The following POLR1C variants were observed in gnomAD, a reference collection of about 807,000 sequenced individuals.
The protein encoded by POLR1C is DNA-directed RNA polymerases I and III subunit RPAC1.
In POLR1C, 42 loss-of-function variants were observed where a neutral mutation model predicts 38.3. That is an observed-to-expected ratio of 1.10 (90% CI 0.86 to 1.42). The LOEUF (loss-of-function observed/expected upper bound fraction) is 1.42. Among genes scored for constraint, POLR1C ranks in the 40% most tolerant of loss-of-function variants. The pLI is 0.00. For synonymous variants in POLR1C, 163 were observed against 163.9 expected, an observed-to-expected ratio of 0.99 and a Z score of 0.04; for missense variants, 507 against 450.5, an observed-to-expected ratio of 1.13 and a Z score of -1.14.
Position 43,517,365 on chromosome 6 carries a change from C to T in POLR1C, c.129C>T (p.Asp43=), listed in dbSNP as rs760685337. The part of the protein sequence containing the change: ...YSGYDDAWDQ[D]RFEKNFRVDV... ...GTTATGATGATGCCTGGGACCAGGACCGCTTCGAGAAGGTAAGTGGGGCCG... is the reference window on the plus strand; with the variant it reads ...GTTATGATGATGCCTGGGACCAGGATCGCTTCGAGAAGGTAAGTGGGGCCG... The change falls in exon 2 of 9, where the codon GAC becomes GAT. Residue 43 remains aspartate (D), a synonymous_variant. Transcript: ENST00000642195. The T allele has an allele frequency of 3.4e-5, 55 of 1,613,850 alleles. No individual in the cohort carries two copies. The highest frequency in any genetic ancestry group is 8.5e-7 in the Non-Finnish European group (1 of 1,179,970).
intron 10 of POLR1C, chr6:43,553,510 AACACACACACACACATACACACACAC>A: frequency 3.3e-6 from 5 of 1,503,522 alleles, no homozygotes; most frequent in Non-Finnish European, 4.5e-6. Context: ...CAAGCTTTAA[AACACACACACACACATACACACACAC>A]ACACACACAC....
chr6:43,519,007 G>A (rs956668747), intron 2 of POLR1C, among the ~76,000 whole-genome samples: 1 of 152,094 alleles, frequency 6.6e-6, no homozygotes, highest in African/African-American at 2.4e-5. Flanking sequence ...TCAATGCCAA[G>A]CATAACAGAA....
intron 10 of POLR1C, chr6:43,555,647 A>C: frequency 1.7e-6 from 1 of 583,374 alleles, no homozygotes; most frequent in East Asian, 3.2e-5. Flanking sequence ...TTTAAAACAA[A>C]TTTAAAATGT....
intron 2 of POLR1C, among the ~76,000 whole-genome samples, chr6:43,518,447 T>C (rs1792958792): frequency 6.6e-6 from 1 of 152,224 alleles, no homozygotes; most frequent in Admixed American, 6.5e-5. Context: ...CATTGTTTTC[T>C]GCATGTGGAG....
At chr6:43,561,254 C>G (rs998646973) in intron 10 of POLR1C, 1 of 408,008 alleles carries the variant, frequency 2.5e-6, no homozygotes, top group African/African-American at 2.0e-5. Context: ...TGTGGTCAAA[C>G]AGTAAAATAA....
Position 43,521,483 on chromosome 6 carries a change from A to AG in POLR1C, c.*184dup. 2.1e-6 allele frequency: 3 copies of AG among 1,398,322 alleles called. No homozygotes were observed. Among genetic ancestry groups the AG allele is most frequent in the Non-Finnish European group, 2.8e-6 (3 of 1,075,958 alleles). The allele number at this position is 1,398,322 out of a possible 1,614,324, so 86.6% of individuals were successfully genotyped here. On this transcript the variant is annotated 3_prime_UTR_variant, in exon 9 of 9. Coordinates refer to ENST00000642195, the MANE Select transcript of POLR1C (RefSeq NM_203290.4). ...ACTTTTTACGCCTTTATAAGGCCTTAGATGTAAATAAACTCACCCAAACAA... is the reference window on the plus strand; with the variant it reads ...ACTTTTTACGCCTTTATAAGGCCTTAGGATGTAAATAAACTCACCCAAACAA...
In POLR1C at chr6:43,526,669, T is replaced by A. The variant is rs1382120031; in HGVS notation, c.923-2580T>A. The stretch of plus-strand genomic sequence containing the variant: ...AGGCTAAGAGCAGAACTCCAAGGTC[T>A]CACAGGCTCACTTACCGTCTCCATC... On this transcript the variant is annotated intron_variant, in intron 8 of 8. Transcript: ENST00000304004. The A allele has an allele frequency of 2.5e-6, 4 of 1,613,718 alleles. No homozygotes were observed. The South Asian group carries it at 4.4e-5, about 18-fold the overall frequency.
At chr6:43,539,578 C>T (rs1794569707) in intron 9 of POLR1C, 17 of 1,351,196 alleles carry the variant, frequency 1.3e-5, no homozygotes, top group Middle Eastern at 2.4e-4. Context: ...AGCCCCGGCC[C>T]GGTCCACGGC....
chr6:43,520,778 T>C lies in POLR1C; in HGVS notation c.805+4T>C, dbSNP rs368111931. On this transcript the variant is annotated splice_donor_region_variant and intron_variant, in intron 7 of 8. Transcript: ENST00000642195. ...ATTGAGGTGCAGGAAGTCCAAGGTA[T>C]GGTATTTGGGATGCTGTTCAAGTTA... 6.2e-7 allele frequency: 1 copy of C among 1,613,580 alleles called. No homozygotes were observed. Among genetic ancestry groups the C allele is most frequent in the African/African-American group, 1.3e-5 (1 of 74,562 alleles).
At chr6:43,522,686 A>G (rs375042183), downstream of POLR1C, 85 of 490,942 alleles carry the variant, frequency 1.7e-4, no homozygotes, top group Middle Eastern at 1.0e-3. Flanking sequence ...CTGTAGCTTC[A>G]GTCCACTTCG....
chr6:43,535,577 G>A (rs1243961185), intron 9 of POLR1C, among the ~76,000 whole-genome samples: 3 of 152,214 alleles, frequency 2.0e-5, no homozygotes, highest in Admixed American at 6.5e-5. Context: ...TCTAGAGGCC[G>A]GGCGCGGTGG....
At chr6:43,527,722 A>C (rs369144172) in intron 8 of POLR1C, 1 of 1,613,956 alleles carries the variant, frequency 6.2e-7, no homozygotes, top group Admixed American at 1.7e-5. Context: ...CTGCAGCCTC[A>C]TCTTCTCCAC....
downstream of POLR1C, chr6:43,523,372 T>TA: frequency 3.3e-6 from 1 of 301,184 alleles, no homozygotes; most frequent in Non-Finnish European, 6.5e-6. Flanking sequence ...ACATGCCCCT[T>TA]AGGGAGTGGG....
intron 9 of POLR1C, among the ~76,000 whole-genome samples, chr6:43,540,601 C>T (rs897761617): frequency 1.2e-4 from 18 of 152,128 alleles, no homozygotes; most frequent in Non-Finnish European, 2.5e-4. Context: ...TGAAGTGAGC[C>T]GAGATCATGC....
chr6:43,528,528 G>A lies in POLR1C; in HGVS notation c.923-721G>A, dbSNP rs139281156. ...GCTTAATTCTAGAGTAAGGATAACA[G>A]ACCCAGCATTCCTGGCAAGGGTCTG... On this transcript the variant is annotated intron_variant, in intron 8 of 8. Coordinates refer to the POLR1C transcript ENST00000304004. 1.1e-4 allele frequency among the ~76,000 whole-genome samples: 16 copies of A among 152,248 alleles called. No homozygotes were observed. The East Asian group carries it at 3.1e-3, about 29-fold the overall frequency.
At chr6:43,533,940 C>A, downstream of POLR1C, 1 of 1,607,026 alleles carries the variant, frequency 6.2e-7, no homozygotes, top group Non-Finnish European at 8.5e-7. Flanking sequence ...TCAAGCATAT[C>A]CAGAGCCTTG....
chr6:43,524,469 A>ACC, downstream of POLR1C: 2 of 1,613,054 alleles, frequency 1.2e-6, no homozygotes, highest in Non-Finnish European at 1.7e-6. Flanking sequence ...TGCATGACCT[A>ACC]CCCCAATGCA....
At position 43,538,299 on chromosome 6, in the gene POLR1C, A is replaced by G. The variant is rs553914797; in HGVS notation, c.*4+8940A>G. ...CAAGTAGCTGAGACTACAGGTGCGC[A>G]CCACCACACCTGGTTACTTTTTTAA... On this transcript the variant is annotated intron_variant, in intron 9 of 10. Coordinates refer to the POLR1C transcript ENST00000607635. 2.7e-3 allele frequency among the ~76,000 whole-genome samples: 415 copies of G among 151,596 alleles called. 4 individuals carry two copies. The highest frequency in any genetic ancestry group is 9.3e-3 in the African/African-American group (386 of 41,342).
At chr6:43,560,879 G>A (rs745657875) in intron 10 of POLR1C, 9 of 1,466,020 alleles carry the variant, frequency 6.1e-6, no homozygotes, top group Non-Finnish European at 8.6e-6. Context: ...CTTGACATTG[G>A]TTCACCTAAC....
Sources: allele counts gnomAD v4.1 joint callset (sites outside exome capture counted in the v4.1 genomes callset), GRCh38; gene constraint gnomAD v4.1.1; transcripts MANE v1.5; gene names NCBI Gene and HGNC (gene_info 2026-07-23, HGNC 2026-07-21).